Variants in BICC1 observed in about 807,000 individuals in gnomAD.
The protein encoded by BICC1 is BicC family RNA binding protein 1.
A neutral mutation model predicts 111.0 loss-of-function variants in BICC1; 43 were observed. The ratio of observed to expected loss-of-function variants is 0.39; its 90% CI spans 0.30 to 0.50. BICC1 has a LOEUF of 0.50. Ranked by LOEUF, BICC1 falls within the 20% of genes least tolerant of loss-of-function variation. BICC1 has a pLI of 0.88. For missense variants in BICC1, 1,091 were observed against 1,203.2 expected, an observed-to-expected ratio of 0.91 and a Z score of 1.38; for synonymous variants, 467 against 434.4, an observed-to-expected ratio of 1.07 and a Z score of -0.93.
At position 58,585,652 on chromosome 10, in the gene BICC1, C is replaced by G. The variant is rs554235784; in HGVS notation, c.191-35203C>G. Among the ~76,000 whole-genome samples the G allele has an allele frequency of 1.0e-3, 156 of 152,262 alleles. 1 individual carries two copies. Among genetic ancestry groups the G allele is most frequent in the African/African-American group, 3.6e-3 (151 of 41,554 alleles). Reference sequence around the variant, plus strand: ...CCCCCAGAAAAACCTTATACTTCCCCTTTTCTTTAATAAGAAAGCACTGTG... The same window carrying G: ...CCCCCAGAAAAACCTTATACTTCCCGTTTTCTTTAATAAGAAAGCACTGTG... On this transcript the variant is annotated intron_variant, in intron 1 of 20. Transcript: ENST00000373886.
chr10:58,721,255 G>A (rs1840931643), intron 3 of BICC1, among the ~76,000 whole-genome samples: 2 of 152,124 alleles, frequency 1.3e-5, no homozygotes. Context: ...TCTCTCCCCA[G>A]TCAGGCTTTC....
chr10:58,697,621 T>G (rs1311555315), intron 2 of BICC1, among the ~76,000 whole-genome samples: 1 of 152,216 alleles, frequency 6.6e-6, no homozygotes, highest in East Asian at 1.9e-4. Context: ...CCTGCCTTGA[T>G]GAACATTTAG....
chr10:58,630,216 A>G (rs1837750713), intron 2 of BICC1, among the ~76,000 whole-genome samples: 1 of 152,158 alleles, frequency 6.6e-6, no homozygotes, highest in Non-Finnish European at 1.5e-5. Context: ...GTCATGAGGT[A>G]GCATGGAGTG....
chr10:58,825,552 A>G (rs1844370388), intron 20 of BICC1, among the ~76,000 whole-genome samples: 1 of 152,226 alleles, frequency 6.6e-6, no homozygotes, highest in Non-Finnish European at 1.5e-5. Context: ...CACCACTGGC[A>G]GCAGAGAGAA....
chr10:58,741,546 A>G (rs535161060), intron 3 of BICC1, among the ~76,000 whole-genome samples: 40 of 152,314 alleles, frequency 2.6e-4, no homozygotes, highest in Non-Finnish European at 4.9e-4. Flanking sequence ...CAAGAGAGCA[A>G]TATAGAATGA....
chr10:58,716,407 C>T, intron 3 of BICC1: 2 of 1,026,390 alleles, frequency 1.9e-6, no homozygotes, highest in South Asian at 3.4e-5. Flanking sequence ...AGAATTATTC[C>T]TGGACTATTC....
At chr10:58,711,234 C>T (rs985293155) in intron 3 of BICC1, among the ~76,000 whole-genome samples, 2 of 152,016 alleles carry the variant, frequency 1.3e-5, no homozygotes, top group African/African-American at 4.8e-5. Context: ...GAAATTCACC[C>T]AAAGAGTTGA....
At chr10:58,703,687 A>C (rs1235054513) in intron 3 of BICC1, among the ~76,000 whole-genome samples, 1 of 152,178 alleles carries the variant, frequency 6.6e-6, no homozygotes, top group African/African-American at 2.4e-5. Flanking sequence ...CCGTTCATGG[A>C]TTATCTAGCT....
chr10:58,796,289 T>G, intron 9 of BICC1, 51 bp from the exon 10 acceptor site: 1 of 1,509,748 alleles, frequency 6.6e-7, no homozygotes. Context: ...CCCCCATTCA[T>G]TGTAGACTAC....
intron 13 of BICC1, among the ~76,000 whole-genome samples, 195 bp from the exon 14 acceptor site, chr10:58,800,695 C>A (rs551640918): frequency 2.6e-5 from 4 of 152,028 alleles, no homozygotes; most frequent in Non-Finnish European, 5.9e-5. Context: ...AAAATATATG[C>A]GGGTCTTCTC....
chr10:58,788,534 A>G, intron 6 of BICC1, 111 bp downstream of exon 6: 2 of 709,310 alleles, frequency 2.8e-6, no homozygotes. Context: ...TTCAATCAGT[A>G]GGAAATAGTG....
At chr10:58,771,672 A>T (rs1248615599) in intron 3 of BICC1, among the ~76,000 whole-genome samples, 1 of 152,166 alleles carries the variant, frequency 6.6e-6, no homozygotes, top group Non-Finnish European at 1.5e-5. Context: ...AGGAAATTAT[A>T]GGACATTTTG....
chr10:58,643,223 G>T (rs1247006507), intron 2 of BICC1, among the ~76,000 whole-genome samples: 4 of 152,204 alleles, frequency 2.6e-5, no homozygotes, highest in Non-Finnish European at 5.9e-5. Flanking sequence ...GTCACTCTCA[G>T]ATCGGGACAG....
chr10:58,647,092 A>G (rs1401775391), intron 2 of BICC1, among the ~76,000 whole-genome samples: 1 of 152,178 alleles, frequency 6.6e-6, no homozygotes, highest in African/African-American at 2.4e-5. Context: ...ATATACCTGC[A>G]TATACCACTT....
intron 2 of BICC1, among the ~76,000 whole-genome samples, chr10:58,677,649 C>A (rs1839386965): frequency 6.6e-6 from 1 of 152,128 alleles, no homozygotes; most frequent in South Asian, 2.1e-4. Flanking sequence ...GGAGAACTTT[C>A]CCAACCTAGC....
chr10:58,765,054 G>A (rs1842419343), intron 3 of BICC1, among the ~76,000 whole-genome samples: 2 of 151,970 alleles, frequency 1.3e-5, no homozygotes, highest in Non-Finnish European at 2.9e-5. Flanking sequence ...AGTTTTGTAG[G>A]TAGTATGGGT....
chr10:58,684,398 T>C (rs534070485), intron 2 of BICC1, among the ~76,000 whole-genome samples: 2 of 152,302 alleles, frequency 1.3e-5, no homozygotes, highest in East Asian at 3.9e-4. Flanking sequence ...ATAAAATGAG[T>C]TAGGGAGGAT....
intron 2 of BICC1, among the ~76,000 whole-genome samples, chr10:58,639,887 A>G (rs1048953461): frequency 5.9e-5 from 9 of 151,470 alleles, no homozygotes; most frequent in African/African-American, 1.9e-4. Flanking sequence ...TAATTTTTGT[A>G]TTTTTTGTAG....
Position 58,806,580 on chromosome 10 carries a change from T to C in BICC1, c.2182-4T>C, listed in dbSNP as rs1346216567. 1.2e-6 allele frequency: 2 copies of C among 1,612,468 alleles called. No individual in the cohort carries two copies. The highest frequency in any genetic ancestry group is 1.7e-5 in the Admixed American group (1 of 59,984). On this transcript the variant is annotated splice_polypyrimidine_tract_variant and splice_region_variant and intron_variant, in intron 15 of 20. Transcript: ENST00000373886. The stretch of plus-strand genomic sequence containing the variant: ...AATAAAGGTATTTTCTGTTTCATTT[T>C]CAGGCATTTGACTATGAACAGAAGA...
Sources: allele counts gnomAD v4.1 joint callset (sites outside exome capture counted in the v4.1 genomes callset), GRCh38; gene constraint gnomAD v4.1.1; transcripts MANE v1.5; gene names NCBI Gene and HGNC (gene_info 2026-07-23, HGNC 2026-07-21).